Variants in ITSN1 observed in about 807,000 individuals in gnomAD.
ITSN1 encodes intersectin 1.
Under a neutral mutation model 239.8 loss-of-function variants are expected in ITSN1, and 58 were observed. That is an observed-to-expected ratio of 0.24 (90% CI 0.20 to 0.30). The LOEUF (loss-of-function observed/expected upper bound fraction) is 0.30, where lower values mean the gene tolerates loss of function less well. Among genes scored for constraint, ITSN1 ranks in the 10% least tolerant of loss-of-function variants. The pLI is 1.00. For missense variants in ITSN1, 1,558 were observed against 2,103.3 expected (o/e 0.74, Z 5.07); for synonymous variants, 780 against 770.8 (o/e 1.01, Z -0.20).
chr21:33,888,114 T>C lies in ITSN1; in HGVS notation c.5018-38T>C, dbSNP rs780123985. 43 of 1,602,760 alleles carry C rather than the reference T, an allele frequency of 2.7e-5. No homozygotes were observed. In the South Asian group the frequency reaches 4.1e-4, roughly 15 times the overall value. On this transcript the variant is annotated intron_variant, in intron 39 of 39. Coordinates refer to ENST00000381318, the MANE Select transcript of ITSN1 (RefSeq NM_003024.3). ...AGACATGTGCCTCGAAGAGAGGGAA[T>C]GGTCCCTCTTAGGAGGGTCTGTTTG... is the stretch of plus-strand genomic sequence containing the variant.
At chr21:33,839,692 C>T (rs1320549379) in intron 29 of ITSN1, among the ~76,000 whole-genome samples, 1 of 152,212 alleles carries the variant, frequency 6.6e-6, no homozygotes, top group Admixed American at 6.5e-5. Flanking sequence ...ACCTAATTCA[C>T]TCCAGATGCC....
chr21:33,789,571 A>T (rs2070944509), intron 16 of ITSN1, among the ~76,000 whole-genome samples: 1 of 152,230 alleles, frequency 6.6e-6, no homozygotes, highest in Non-Finnish European at 1.5e-5. Context: ...GTCTCCTTTC[A>T]TAGACCCCTG....
rs1986676688 is a variant in ITSN1 at position 33,895,508 on chromosome 21, C to G, written c.*7208C>G. On this transcript the variant is annotated 3_prime_UTR_variant, in exon 40 of 40. Coordinates refer to ENST00000381318, the MANE Select transcript of ITSN1 (RefSeq NM_003024.3). ...GCGTGCATGCATGTGTGTGCGTGCGCGTGTTTGTGTGTGCATGTGTGTGTG... is the reference window on the plus strand; with the variant it reads ...GCGTGCATGCATGTGTGTGCGTGCGGGTGTTTGTGTGTGCATGTGTGTGTG... 8.3e-6 allele frequency: 1 copy of G among 120,474 alleles called. No individual in the cohort carries two copies. The highest frequency in any genetic ancestry group is 3.3e-5 in the African/African-American group (1 of 30,034). The allele number at this position is 120,474 out of a possible 1,614,324, so 7.5% of individuals were successfully genotyped here.
chr21:33,652,646 C>A (rs1320142489), intron 1 of ITSN1, among the ~76,000 whole-genome samples: 7 of 152,144 alleles, frequency 4.6e-5, no homozygotes. Flanking sequence ...GTACTTGTTT[C>A]CTGTTCTCTT....
At chr21:33,758,145 A>G (rs2068051630) in intron 8 of ITSN1, among the ~76,000 whole-genome samples, 1 of 152,138 alleles carries the variant, frequency 6.6e-6, no homozygotes, top group African/African-American at 2.4e-5. Flanking sequence ...GTCCTCCCAA[A>G]GTACTGGGAT....
At chr21:33,720,991 C>A (rs934289418) in intron 2 of ITSN1, among the ~76,000 whole-genome samples, 187 bp from the exon 3 acceptor site, 1 of 152,154 alleles carries the variant, frequency 6.6e-6, no homozygotes, top group East Asian at 1.9e-4. Flanking sequence ...CTGTTTCTTA[C>A]ATTTTGTGTC....
At chr21:33,723,875 A>T (rs572981229) in intron 4 of ITSN1, among the ~76,000 whole-genome samples, 86 of 152,348 alleles carry the variant, frequency 5.6e-4, no homozygotes, top group Middle Eastern at 3.4e-3. Flanking sequence ...TGGGTATTCT[A>T]CATAACTGAA....
intron 24 of ITSN1, among the ~76,000 whole-genome samples, chr21:33,822,798 C>A (rs1602447865): frequency 6.6e-6 from 1 of 152,262 alleles, no homozygotes; most frequent in South Asian, 2.1e-4. Flanking sequence ...GTTAGACATT[C>A]CTTTTATCAT....
chr21:33,813,823 CTT>C (rs764000502), intron 21 of ITSN1, 88 bp from the exon 22 acceptor site: 5,502 of 908,884 alleles, frequency 6.1e-3, no homozygotes, highest in South Asian at 9.5e-3. Context: ...GGAGTGCTTG[CTT>C]TTTTTTTTTT....
intron 1 of ITSN1, among the ~76,000 whole-genome samples, chr21:33,709,871 C>T (rs2146940447): frequency 6.6e-6 from 1 of 151,874 alleles, no homozygotes; most frequent in East Asian, 1.9e-4. Context: ...TGTTGTTTTT[C>T]TTGTCTTATT....
chr21:33,772,236 A>C lies in ITSN1; in HGVS notation c.1218A>C (p.Gln406His). 6.2e-7 allele frequency: 1 copy of C among 1,608,618 alleles called. No individual in the cohort carries two copies. The highest frequency in any genetic ancestry group is 8.5e-7 in the Non-Finnish European group (1 of 1,177,264). The change falls in exon 12 of 40, where the codon CAA (glutamine) becomes CAC (histidine). Residue 406 changes from glutamine to histidine, a missense_variant. By Grantham distance (24) the Gln-to-His change is conservative. Coordinates refer to ENST00000381318, the MANE Select transcript of ITSN1 (RefSeq NM_003024.3). Reference sequence around the variant, plus strand: ...GCCAGGAGCAAGAGCGCAAAAGACAACTGGAACTGGAGAAGCAACTGGAAA... The same window carrying C: ...GCCAGGAGCAAGAGCGCAAAAGACACCTGGAACTGGAGAAGCAACTGGAAA... The part of the protein sequence containing the change: ...RERQEQERKR[Q>H]LELEKQLEKQ...
intron 14 of ITSN1, among the ~76,000 whole-genome samples, chr21:33,777,381 T>TA (rs1239897413): frequency 6.6e-6 from 1 of 152,222 alleles, no homozygotes; most frequent in Non-Finnish European, 1.5e-5. Flanking sequence ...AGTCAAGTGA[T>TA]ACGAATTCTC....
chr21:33,883,709 T>A (rs1330361879), intron 36 of ITSN1, 38 bp downstream of exon 36: 3 of 1,606,574 alleles, frequency 1.9e-6, no homozygotes, highest in Non-Finnish European at 2.6e-6. Context: ...GCCCCAGGGC[T>A]CCACGGCTCT....
chr21:33,782,230 A>G (rs981596392), intron 16 of ITSN1, 97 bp downstream of exon 16: 262 of 1,159,930 alleles, frequency 2.3e-4, no homozygotes, highest in South Asian at 6.6e-4. Context: ...AGAAAAATTT[A>G]TTATGCCATT....
chr21:33,751,656 G>C (rs1013104841), intron 6 of ITSN1, among the ~76,000 whole-genome samples, 154 bp from the exon 7 acceptor site: 5 of 152,206 alleles, frequency 3.3e-5, no homozygotes, highest in Non-Finnish European at 7.3e-5. Context: ...GGAGGACAGA[G>C]GGTAAGGAGG....
chr21:33,655,530 C>T (rs2088973917), intron 1 of ITSN1, among the ~76,000 whole-genome samples: 1 of 152,034 alleles, frequency 6.6e-6, no homozygotes, highest in Non-Finnish European at 1.5e-5. Context: ...AAACAATCCC[C>T]CCACCTCAGC....
At chr21:33,765,139 G>GT (rs139009709) in intron 9 of ITSN1, among the ~76,000 whole-genome samples, 128 of 152,334 alleles carry the variant, frequency 8.4e-4, no homozygotes, top group African/African-American at 2.5e-3. Flanking sequence ...GATAAGGATT[G>GT]TATGTCTTAT....
intron 24 of ITSN1, among the ~76,000 whole-genome samples, chr21:33,819,966 G>A (rs2073560574): frequency 6.6e-6 from 1 of 152,060 alleles, no homozygotes; most frequent in Non-Finnish European, 1.5e-5. Flanking sequence ...TCCGGCCTGG[G>A]CGACAGAGCG....
rs1159206803 is a variant in ITSN1 at position 33,882,272 on chromosome 21, C to T, written c.4371C>T (p.Cys1457=). 1 of 1,614,128 alleles carries T rather than the reference C, an allele frequency of 6.2e-7. No individual in the cohort carries two copies. The highest frequency in any genetic ancestry group is 8.5e-7 in the Non-Finnish European group (1 of 1,180,036). ...EQLVFNSVTN[C]LGPRKFLHSG... is the part of the protein sequence containing the mutation. Reference sequence around the variant, plus strand: ...TTGTGTTCAATTCAGTGACCAATTGCTTGGGGCCGCGCAAATTTCTGCACA... The same window carrying T: ...TTGTGTTCAATTCAGTGACCAATTGTTTGGGGCCGCGCAAATTTCTGCACA... The change falls in exon 35 of 40, where the codon TGC becomes TGT. Residue 1457 remains cysteine, a synonymous_variant. Transcript: ENST00000381318. The surrounding 1 kb of genome is among the most constrained non-coding windows in gnomAD (Gnocchi z 4.5).
Sources: allele counts gnomAD v4.1 joint callset (sites outside exome capture counted in the v4.1 genomes callset), GRCh38; gene constraint gnomAD v4.1.1; non-coding constraint Gnocchi (gnomAD v3.1); transcripts MANE v1.5; gene names NCBI Gene and HGNC (gene_info 2026-07-23, HGNC 2026-07-21).